SUGCT: variants seen among roughly 807,000 people sequenced by gnomAD.
SUGCT encodes succinyl-CoA:glutarate-CoA transferase.
Under a neutral mutation model 55.0 loss-of-function variants are expected in SUGCT, and 41 were observed. The ratio of observed to expected loss-of-function variants is 0.74; its 90% CI spans 0.58 to 0.97. SUGCT has a LOEUF of 0.97. SUGCT is among the 50% of genes least tolerant of loss of function. SUGCT has a pLI of 0.00. For missense variants in SUGCT, 568 were observed against 547.8 expected (o/e 1.04, Z -0.37); for synonymous variants, 187 against 200.4 (o/e 0.93, Z 0.56).
At chr7:40,333,194 G>C (rs1213873053) in intron 9 of SUGCT, among the ~76,000 whole-genome samples, 1 of 152,112 alleles carries the variant, frequency 6.6e-6, no homozygotes, top group African/African-American at 2.4e-5. Flanking sequence ...ATCAGGGTTG[G>C]ATGAAATAGT....
intron 13 of SUGCT, among the ~76,000 whole-genome samples, chr7:40,804,079 G>C (rs138214401): frequency 6.6e-6 from 1 of 152,180 alleles, no homozygotes; most frequent in South Asian, 2.1e-4. Context: ...ATTCTTTGTC[G>C]CAAAGGGGCT....
At chr7:40,619,343 A>T (rs1364523935) in intron 12 of SUGCT, among the ~76,000 whole-genome samples, 2 of 152,358 alleles carry the variant, frequency 1.3e-5, no homozygotes, top group East Asian at 3.9e-4. Context: ...GTAGGCCAGT[A>T]TATTTAAAAT....
intron 11 of SUGCT, among the ~76,000 whole-genome samples, chr7:40,493,161 G>C (rs1583824716): frequency 6.6e-6 from 1 of 152,168 alleles, no homozygotes; most frequent in South Asian, 2.1e-4. Context: ...TGGTTTTGGA[G>C]TTAAGCAGTC....
intron 12 of SUGCT, among the ~76,000 whole-genome samples, chr7:40,749,233 C>G (rs1178156448): frequency 6.6e-6 from 1 of 152,100 alleles, no homozygotes; most frequent in East Asian, 1.9e-4. Flanking sequence ...ATCCTCTAGT[C>G]TTTTTTGGCT....
chr7:40,726,667 G>A (rs1299868335), intron 12 of SUGCT, among the ~76,000 whole-genome samples: 2 of 152,182 alleles, frequency 1.3e-5, no homozygotes, highest in African/African-American at 4.8e-5. Context: ...ATTCAGAGTA[G>A]GGTGAAAGGA....
At chr7:40,216,359 G>A (rs998618656) in intron 6 of SUGCT, among the ~76,000 whole-genome samples, 6 of 151,532 alleles carry the variant, frequency 4.0e-5, no homozygotes, top group Admixed American at 1.3e-4. Context: ...AAATTAGCTG[G>A]CATAATGGCA....
chr7:40,275,093 G>A (rs1792376158), intron 8 of SUGCT, among the ~76,000 whole-genome samples: 1 of 152,158 alleles, frequency 6.6e-6, no homozygotes, highest in South Asian at 2.1e-4. Context: ...GAGCCACCAC[G>A]AATGGCCCAT....
intron 9 of SUGCT, among the ~76,000 whole-genome samples, chr7:40,425,601 G>T (rs1338934755): frequency 1.3e-5 from 2 of 152,002 alleles, no homozygotes; most frequent in African/African-American, 4.8e-5. Context: ...GGCGGTGCTG[G>T]GGTCTACAAA....
At chr7:40,495,850 C>T (rs1293389187) in intron 11 of SUGCT, among the ~76,000 whole-genome samples, 2 of 152,112 alleles carry the variant, frequency 1.3e-5, no homozygotes, top group Non-Finnish European at 2.9e-5. Context: ...GTACTTTTCC[C>T]AAAGCTTTCT....
At chr7:40,487,296 G>A (rs1791433513) in intron 11 of SUGCT, among the ~76,000 whole-genome samples, 2 of 130,012 alleles carry the variant, frequency 1.5e-5, no homozygotes, top group East Asian at 2.4e-4. Flanking sequence ...TAGTAGAGAA[G>A]GGATTTCACC....
intron 13 of SUGCT, among the ~76,000 whole-genome samples, chr7:40,759,102 C>G (rs920881093): frequency 1.3e-5 from 2 of 152,062 alleles, no homozygotes; most frequent in Non-Finnish European, 2.9e-5. Flanking sequence ...GAAGCACTAC[C>G]CTCCGTAGAC....
chr7:40,264,489 A>G (rs944841401), intron 7 of SUGCT, among the ~76,000 whole-genome samples: 1 of 152,164 alleles, frequency 6.6e-6, no homozygotes, highest in African/African-American at 2.4e-5. Flanking sequence ...ATAGTTGCAG[A>G]GTCTGTGCCC....
At chr7:40,821,570 C>A (rs1471776437) in intron 13 of SUGCT, among the ~76,000 whole-genome samples, 9 of 152,150 alleles carry the variant, frequency 5.9e-5, no homozygotes, top group Non-Finnish European at 1.5e-5. Context: ...TTATAATATT[C>A]TTTGATGGTA....
intron 7 of SUGCT, among the ~76,000 whole-genome samples, chr7:40,262,495 CAAAA>C (rs67739412): frequency 1.6e-5 from 2 of 122,088 alleles, no homozygotes; most frequent in Admixed American, 8.8e-5. Flanking sequence ...ACCGAAAATA[CAAAA>C]AAAAAAAAAA....
chr7:40,339,888 C>T (rs773621583), intron 9 of SUGCT, among the ~76,000 whole-genome samples: 5 of 152,174 alleles, frequency 3.3e-5, no homozygotes, highest in African/African-American at 4.8e-5. Context: ...ATCTTGGAAC[C>T]GCCCTTTTTT....
intron 12 of SUGCT, among the ~76,000 whole-genome samples, chr7:40,507,019 GT>G (rs961243228): frequency 2.6e-5 from 4 of 151,634 alleles, no homozygotes; most frequent in East Asian, 1.9e-4. Context: ...CTGATTTGAA[GT>G]TTTTTTTTCT....
intron 2 of SUGCT, 92 bp downstream of exon 2, chr7:40,181,090 G>C (rs1336712015): frequency 2.3e-6 from 2 of 881,972 alleles, no homozygotes; most frequent in Non-Finnish European, 3.7e-6. Flanking sequence ...AGACTTATAT[G>C]CTTATGTTGA....
At chr7:40,633,311 G>T (rs1489882808) in intron 12 of SUGCT, among the ~76,000 whole-genome samples, 3 of 152,024 alleles carry the variant, frequency 2.0e-5, no homozygotes, top group Non-Finnish European at 4.4e-5. Context: ...TAGTATTGAG[G>T]ATCAAAAGAA....
chr7:40,572,066 C>G (rs74789976), intron 12 of SUGCT, among the ~76,000 whole-genome samples: 1 of 152,092 alleles, frequency 6.6e-6, no homozygotes. Context: ...ACAGCTGTCC[C>G]GAATGTGGCA....
Sources: gnomAD v4.1 joint callset for allele counts (sites outside exome capture counted in the v4.1 genomes callset) on GRCh38, gnomAD v4.1.1 for gene constraint, MANE v1.5 for transcripts, NCBI Gene and HGNC (gene_info 2026-07-23, HGNC 2026-07-21) for gene names.